Variants in FOXP2 observed in about 807,000 individuals in gnomAD.
The protein encoded by FOXP2 is forkhead box P2.
FOXP2 carries 12 observed loss-of-function variants against 115.8 expected under a neutral mutation model. The observed-to-expected ratio is 0.10, with a 90% CI of 0.07 to 0.17. The LOEUF is 0.17. Ranked by LOEUF, FOXP2 falls within the 10% of genes least tolerant of loss-of-function variation. The probability of loss-of-function intolerance (pLI) is 1.00; values close to 1 mark genes in which losing one functional copy is unlikely to be tolerated. For synonymous variants in FOXP2, 328 were observed against 297.7 expected (o/e 1.10, Z -1.05); for missense variants, 629 against 843.5 (o/e 0.75, Z 3.15).
At chr7:114,609,369 A>G (rs1295174313) in intron 3 of FOXP2, among the ~76,000 whole-genome samples, 2 of 152,214 alleles carry the variant, frequency 1.3e-5, no homozygotes, top group Non-Finnish European at 2.9e-5. Flanking sequence ...TGCTTAATAT[A>G]TTTGTGAAAA....
intron 2 of FOXP2, among the ~76,000 whole-genome samples, chr7:114,395,410 G>A (rs1792712691): frequency 6.6e-6 from 1 of 152,086 alleles, no homozygotes; most frequent in African/African-American, 2.4e-5. Context: ...TCAGAGGTTT[G>A]GGAAGTATTG....
At chr7:114,442,026 C>T (rs1794626421) in intron 2 of FOXP2, among the ~76,000 whole-genome samples, 1 of 152,184 alleles carries the variant, frequency 6.6e-6, no homozygotes, top group East Asian at 1.9e-4. Context: ...GGAATGGAAA[C>T]ACTTATTTAC....
intron 2 of FOXP2, among the ~76,000 whole-genome samples, chr7:114,477,134 C>G (rs1796309469): frequency 1.3e-5 from 2 of 151,866 alleles, no homozygotes; most frequent in Admixed American, 1.3e-4. Context: ...CCATTCAACC[C>G]AGCAATACAA....
chr7:114,123,648 T>C (rs1334519599), intron 1 of FOXP2, among the ~76,000 whole-genome samples: 1 of 152,142 alleles, frequency 6.6e-6, no homozygotes, highest in African/African-American at 2.4e-5. Context: ...CTCTGACTAG[T>C]TATGTATTAC....
At chr7:114,369,349 G>C (rs1791950469) in intron 2 of FOXP2, among the ~76,000 whole-genome samples, 1 of 152,146 alleles carries the variant, frequency 6.6e-6, no homozygotes, top group African/African-American at 2.4e-5. Context: ...CAACAGCAGA[G>C]GGGGTGAATT....
intron 2 of FOXP2, among the ~76,000 whole-genome samples, chr7:114,458,700 G>C (rs1055866758): frequency 3.3e-5 from 5 of 151,378 alleles, no homozygotes; most frequent in African/African-American, 9.7e-5. Flanking sequence ...ACACGCAGCT[G>C]GTTCTTGACT....
chr7:114,594,690 T>C (rs1802607121), intron 3 of FOXP2, among the ~76,000 whole-genome samples: 1 of 152,064 alleles, frequency 6.6e-6, no homozygotes, highest in Non-Finnish European at 1.5e-5. Context: ...GTGGCAGATA[T>C]TTAAGCAAAG....
chr7:114,192,534 G>A (rs1056433574), intron 1 of FOXP2, among the ~76,000 whole-genome samples: 2 of 152,178 alleles, frequency 1.3e-5, no homozygotes, highest in African/African-American at 2.4e-5. Context: ...GTAAGGCCAT[G>A]TGTATCTTTG....
chr7:114,305,680 C>T (rs186308993), intron 2 of FOXP2, among the ~76,000 whole-genome samples: 1 of 152,260 alleles, frequency 6.6e-6, no homozygotes, highest in Admixed American at 6.5e-5. Context: ...TTCCCACTAG[C>T]TCCTTGGATG....
At chr7:114,125,674 T>C (rs976822571) in intron 1 of FOXP2, among the ~76,000 whole-genome samples, 2 of 152,098 alleles carry the variant, frequency 1.3e-5, no homozygotes, top group African/African-American at 4.8e-5. Context: ...CTTGGATCCC[T>C]GATGTTCAGT....
intron 2 of FOXP2, among the ~76,000 whole-genome samples, chr7:114,528,411 A>G (rs190964235): frequency 6.2e-4 from 94 of 152,178 alleles, no homozygotes; most frequent in Non-Finnish European, 1.3e-3. Context: ...TTATTAAACA[A>G]TAAGCTTTTG....
chr7:114,152,568 G>C (rs1792554919), intron 1 of FOXP2, among the ~76,000 whole-genome samples: 1 of 152,188 alleles, frequency 6.6e-6, no homozygotes, highest in African/African-American at 2.4e-5. Context: ...AACAAGAAGA[G>C]GTAACAGTCT....
At chr7:114,560,747 T>C (rs1800721049) in intron 3 of FOXP2, among the ~76,000 whole-genome samples, 1 of 152,242 alleles carries the variant, frequency 6.6e-6, no homozygotes, top group Non-Finnish European at 1.5e-5. Flanking sequence ...TCCATATAAA[T>C]GGATTGTAAC....
intron 2 of FOXP2, chr7:114,499,203 A>C: frequency 2.6e-6 from 1 of 386,776 alleles, no homozygotes; most frequent in South Asian, 4.2e-5. Flanking sequence ...ATACCTATCA[A>C]AAGCTTGTCC....
chr7:114,582,466 C>T (rs1479178372), intron 3 of FOXP2, among the ~76,000 whole-genome samples: 1 of 152,098 alleles, frequency 6.6e-6, no homozygotes, highest in Non-Finnish European at 1.5e-5. Context: ...GATGTGACAG[C>T]TTTACTCTCA....
chr7:114,626,017 A>G (rs1804555256), intron 3 of FOXP2, among the ~76,000 whole-genome samples: 1 of 151,708 alleles, frequency 6.6e-6, no homozygotes, highest in South Asian at 2.1e-4. Flanking sequence ...GTTTTAGATG[A>G]CAGTTTCCTA....
chr7:114,086,425 C>T, upstream of FOXP2: 1 of 345,794 alleles, frequency 2.9e-6, no homozygotes, highest in South Asian at 2.1e-5. Flanking sequence ...GAACGCCCGC[C>T]CCGGTTATTT....
At chr7:114,212,614 T>C (rs1794388137) in intron 1 of FOXP2, among the ~76,000 whole-genome samples, 2 of 152,164 alleles carry the variant, frequency 1.3e-5, no homozygotes, top group East Asian at 1.9e-4. Flanking sequence ...TGTGTTCCGA[T>C]ATATTTTGTC....
intron 2 of FOXP2, among the ~76,000 whole-genome samples, chr7:114,481,892 C>T (rs1351273543): frequency 6.6e-6 from 1 of 150,998 alleles, no homozygotes; most frequent in Non-Finnish European, 1.5e-5. Context: ...CTATCAGCCC[C>T]CTTATCTGAG....
Sources: gnomAD v4.1 joint callset for allele counts (sites outside exome capture counted in the v4.1 genomes callset) on GRCh38, gnomAD v4.1.1 for gene constraint, MANE v1.5 for transcripts, NCBI Gene and HGNC (gene_info 2026-07-23, HGNC 2026-07-21) for gene names.